The following EPB41L1 variants were observed in gnomAD, a reference collection of about 807,000 sequenced individuals.
EPB41L1 encodes band 4.1-like protein 1.
Under a neutral mutation model 97.8 loss-of-function variants are expected in EPB41L1, and 29 were observed. The observed-to-expected ratio is 0.30, with a 90% CI of 0.22 to 0.40. The LOEUF (loss-of-function observed/expected upper bound fraction) is 0.40. EPB41L1 is among the 10% of genes least tolerant of loss of function. The pLI, the probability that EPB41L1 is intolerant of heterozygous loss-of-function variation, is 1.00. For synonymous variants in EPB41L1, 383 were observed against 459.2 expected, an observed-to-expected ratio of 0.83 and a Z score of 2.12; for missense variants, 812 against 1,162.3, an observed-to-expected ratio of 0.70 and a Z score of 4.38.
intron 1 of EPB41L1, among the ~76,000 whole-genome samples, chr20:36,161,418 T>A (rs1027444836): frequency 1.3e-5 from 2 of 152,114 alleles, no homozygotes; most frequent in African/African-American, 4.8e-5. Flanking sequence ...ATTATCTGTT[T>A]TTCTATTTTT....
chr20:36,203,215 T>C (rs73903000), intron 14 of EPB41L1, among the ~76,000 whole-genome samples: 3,130 of 152,290 alleles, frequency 0.021, 110 homozygotes, highest in African/African-American at 0.069. Flanking sequence ...TTTGTTCAGT[T>C]TTCTTTTCCT....
At position 36,207,515 on chromosome 20, in the gene EPB41L1, C is replaced by G; in HGVS notation, c.1669-1973C>G. On this transcript the variant is annotated intron_variant, in intron 14 of 21. Coordinates refer to ENST00000338074, the MANE Select transcript of EPB41L1 (RefSeq NM_012156.2). This position sits in a 1 kb window ranked among gnomAD's most constrained non-coding sequence, Gnocchi z 4.9. ...CGAATGAGTGAGGGTGAAGCAAGGT[C>G]CCTTCCAAATGACGTATCTTCAGAG... The G allele has an allele frequency of 1.6e-6, 2 of 1,289,852 alleles. No individual in the cohort carries two copies. The highest frequency in any genetic ancestry group is 2.0e-6 in the Non-Finnish European group (2 of 988,878). 79.9% of individuals were successfully genotyped at this position (1,289,852 alleles called of 1,614,324 possible).
chr20:36,206,869 A>G lies in EPB41L1; in HGVS notation c.1669-2619A>G. ...TGAGGAAAGTCCCACAGAGGAACTG[A>G]AGAAGCACCCTCCTCACAGAGGACA... On this transcript the variant is annotated intron_variant, in intron 14 of 21. Coordinates refer to ENST00000338074, the MANE Select transcript of EPB41L1 (RefSeq NM_012156.2). This position sits in a 1 kb window ranked among gnomAD's most constrained non-coding sequence, Gnocchi z 5.5. The G allele has an allele frequency of 7.8e-7, 1 of 1,289,908 alleles. No individual in the cohort carries two copies. Among genetic ancestry groups the G allele is most frequent in the Non-Finnish European group, 1.0e-6 (1 of 988,892 alleles). The allele number at this position is 1,289,908 out of a possible 1,614,324, so 79.9% of individuals were successfully genotyped here.
chr20:36,190,867 G>T lies in EPB41L1; in HGVS notation c.1300+70G>T. 6.3e-7 allele frequency: 1 copy of T among 1,584,750 alleles called. No individual in the cohort carries two copies. On this transcript the variant is annotated intron_variant, in intron 11 of 21. Coordinates refer to ENST00000338074, the MANE Select transcript of EPB41L1 (RefSeq NM_012156.2). This position sits in a 1 kb window ranked among gnomAD's most constrained non-coding sequence, Gnocchi z 5.8. ...GGAACTGGGGGAGTGGGCATGCTGGGTTCTGCAGAATGAGCAGGAAAATGG... is the reference window on the plus strand; with the variant it reads ...GGAACTGGGGGAGTGGGCATGCTGGTTTCTGCAGAATGAGCAGGAAAATGG...
intron 3 of EPB41L1, among the ~76,000 whole-genome samples, chr20:36,176,361 G>A (rs977766771): frequency 8.5e-5 from 13 of 152,156 alleles, no homozygotes; most frequent in African/African-American, 1.7e-4. Context: ...TCTGACTCCC[G>A]CCCTAATTCT....
At chr20:36,096,956 T>A (rs567888075) in intron 1 of EPB41L1, among the ~76,000 whole-genome samples, 18 of 152,384 alleles carry the variant, frequency 1.2e-4, no homozygotes, top group African/African-American at 4.3e-4. Flanking sequence ...TACCTGTCTT[T>A]TTCAATGCTG....
At chr20:36,154,207 C>T (rs1342657738), upstream of EPB41L1, among the ~76,000 whole-genome samples, 1 of 152,246 alleles carries the variant, frequency 6.6e-6, no homozygotes, top group South Asian at 2.1e-4. This position sits in a 1 kb window ranked among gnomAD's most constrained non-coding sequence, Gnocchi z 5.5. Flanking sequence ...TCTGCCCTGT[C>T]GCTGTGCTGC....
In EPB41L1 at chr20:36,092,218, G is replaced by A. The variant is rs993544237; in HGVS notation, c.-65+606G>A. On this transcript the variant is annotated intron_variant, in intron 1 of 19. Coordinates refer to the EPB41L1 transcript ENST00000202028. This position sits in a 1 kb window ranked among gnomAD's most constrained non-coding sequence, Gnocchi z 7.0. The stretch of plus-strand genomic sequence containing the variant: ...AGGTCGGCGAGCTGGGCGCGGGGCC[G>A]CGGGGTTACCCCGGGGCACCGGGCA... Among the ~76,000 whole-genome samples, 3 of 152,148 alleles carry A rather than the reference G, an allele frequency of 2.0e-5. No homozygotes were observed. Among genetic ancestry groups the A allele is most frequent in the Non-Finnish European group, 2.9e-5 (2 of 68,016 alleles).
intron 15 of EPB41L1, among the ~76,000 whole-genome samples, chr20:36,210,732 C>T (rs1303380220): frequency 6.6e-6 from 1 of 152,184 alleles, no homozygotes; most frequent in Non-Finnish European, 1.5e-5. Context: ...ATATCGCCCC[C>T]CTACCCCCTT....
chr20:36,212,479 A>C lies in EPB41L1; in HGVS notation c.2184+103A>C. On this transcript the variant is annotated intron_variant, in intron 16 of 21. Transcript: ENST00000338074. The surrounding 1 kb of genome is among the most constrained non-coding windows in gnomAD (Gnocchi z 4.8). Reference sequence around the variant, plus strand: ...CCCCTTGGCCAGCTCTTTTAATCTCAGCTTCCCTGGAACCCATATGTTAAT... The same window carrying C: ...CCCCTTGGCCAGCTCTTTTAATCTCCGCTTCCCTGGAACCCATATGTTAAT... 2 of 942,542 alleles carry C rather than the reference A, an allele frequency of 2.1e-6. No individual in the cohort carries two copies. Among genetic ancestry groups the C allele is most frequent in the Non-Finnish European group, 3.4e-6 (2 of 593,688 alleles). The allele number at this position is 942,542 out of a possible 1,614,324, so 58.4% of individuals were successfully genotyped here.
At position 36,158,596 on chromosome 20, in the gene EPB41L1, A is replaced by G. The variant is rs114422290; in HGVS notation, c.-15+3700A>G. On this transcript the variant is annotated intron_variant, in intron 1 of 21. Coordinates refer to ENST00000338074, the MANE Select transcript of EPB41L1 (RefSeq NM_012156.2). The stretch of plus-strand genomic sequence containing the variant: ...TGGGAGGTGACTCAGAAAGTCACCT[A>G]GTGTTTGGGTTTTTGATGGAGCTCT... Among the ~76,000 whole-genome samples the G allele has an allele frequency of 8.2e-3, 1,248 of 152,250 alleles. 21 individuals carry two copies. Among genetic ancestry groups the G allele is most frequent in the African/African-American group, 0.029 (1,193 of 41,548 alleles).
intron 5 of EPB41L1, among the ~76,000 whole-genome samples, chr20:36,179,343 T>C (rs1281036398): frequency 6.6e-6 from 1 of 152,090 alleles, no homozygotes; most frequent in Non-Finnish European, 1.5e-5. Context: ...CCAGGAATGG[T>C]GTAGTCTTCA....
chr20:36,138,655 C>T (rs140375011), intron 2 of EPB41L1, among the ~76,000 whole-genome samples: 40 of 152,294 alleles, frequency 2.6e-4, no homozygotes, highest in African/African-American at 9.6e-4. Flanking sequence ...TCAATCCCTG[C>T]GTCCACTCTG....
intron 21 of EPB41L1, among the ~76,000 whole-genome samples, chr20:36,226,860 G>T (rs2064189825): frequency 6.6e-6 from 1 of 151,712 alleles, no homozygotes; most frequent in Admixed American, 6.6e-5. Context: ...TGATTACACT[G>T]ACTTATAGGA....
chr20:36,128,426 T>C (rs2059058288), intron 2 of EPB41L1, among the ~76,000 whole-genome samples: 1 of 151,860 alleles, frequency 6.6e-6, no homozygotes, highest in South Asian at 2.1e-4. Flanking sequence ...TGGCCTTGGG[T>C]GGATGGGGGA....
chr20:36,174,328 G>A (rs1195473431), intron 2 of EPB41L1, among the ~76,000 whole-genome samples: 5 of 151,470 alleles, frequency 3.3e-5, no homozygotes, highest in Admixed American at 2.0e-4. Flanking sequence ...GTGCAGTGGT[G>A]CCACTGCACT....
At chr20:36,210,022 C>A (rs2063043623) in intron 15 of EPB41L1, 124 bp downstream of exon 15, 5 of 1,190,930 alleles carry the variant, frequency 4.2e-6, no homozygotes, top group South Asian at 1.4e-5. Flanking sequence ...TGTTGCATGA[C>A]TGCCCCTCCG....
At chr20:36,181,292 A>G (rs1238054136) in intron 5 of EPB41L1, among the ~76,000 whole-genome samples, 2 of 152,100 alleles carry the variant, frequency 1.3e-5, no homozygotes, top group Non-Finnish European at 2.9e-5. Context: ...GACTTTCGCT[A>G]ATTTTGTCCA....
At chr20:36,226,776 T>C (rs949041068) in intron 21 of EPB41L1, among the ~76,000 whole-genome samples, 1 of 152,186 alleles carries the variant, frequency 6.6e-6, no homozygotes, top group African/African-American at 2.4e-5. Context: ...ATCATAACAC[T>C]GTATTGTTTA....
Sources: allele counts gnomAD v4.1 joint callset (sites outside exome capture counted in the v4.1 genomes callset), GRCh38; gene constraint gnomAD v4.1.1; non-coding constraint Gnocchi (gnomAD v3.1); transcripts MANE v1.5; gene names NCBI Gene and HGNC (gene_info 2026-07-23, HGNC 2026-07-21).